The following PLPP4 variants were observed in gnomAD, a reference collection of about 807,000 sequenced individuals.
PLPP4 encodes the protein diacylglycerol pyrophosphate like 2.
PLPP4 carries 20 observed loss-of-function variants against 32.2 expected under a neutral mutation model. The ratio of observed to expected loss-of-function variants is 0.62; its 90% CI spans 0.44 to 0.90. PLPP4 has a LOEUF of 0.90. Among genes scored for constraint, PLPP4 ranks in the 40% least tolerant of loss-of-function variants. The pLI, the probability that PLPP4 is intolerant of heterozygous loss-of-function variation, is 0.00. For synonymous variants in PLPP4, 127 were observed against 133.0 expected, an observed-to-expected ratio of 0.95 and a Z score of 0.31; for missense variants, 257 against 353.1, an observed-to-expected ratio of 0.73 and a Z score of 2.18.
intron 4 of PLPP4, 41 bp from the exon 5 acceptor site, chr10:120,520,930 G>A: frequency 6.2e-7 from 1 of 1,611,376 alleles, no homozygotes; most frequent in Non-Finnish European, 8.5e-7. Flanking sequence ...ATTTGTGATG[G>A]CAGCATTTTA....
chr10:120,472,195 A>G (rs76235871), intron 1 of PLPP4, among the ~76,000 whole-genome samples: 5,922 of 152,158 alleles, frequency 0.039, 137 homozygotes, highest in Middle Eastern at 0.14. Context: ...GTTCGGTTAG[A>G]TTTGGTTTTT....
At chr10:120,507,915 T>C (rs1845571326) in intron 2 of PLPP4, among the ~76,000 whole-genome samples, 3 of 152,166 alleles carry the variant, frequency 2.0e-5, no homozygotes. Flanking sequence ...AGGTGAACAG[T>C]TCAGCATCAC....
At chr10:120,494,197 C>T (rs1281427805) in intron 1 of PLPP4, among the ~76,000 whole-genome samples, 1 of 152,178 alleles carries the variant, frequency 6.6e-6, no homozygotes, top group African/African-American at 2.4e-5. Context: ...TTAGACTTTA[C>T]ACTGCTCAAA....
At chr10:120,548,165 A>G (rs750094620) in intron 5 of PLPP4, among the ~76,000 whole-genome samples, 1 of 152,046 alleles carries the variant, frequency 6.6e-6, no homozygotes, top group Non-Finnish European at 1.5e-5. Context: ...TGTACAAATT[A>G]TTTGGTCACC....
chr10:120,565,275 C>T (rs1848632512), intron 5 of PLPP4, among the ~76,000 whole-genome samples: 1 of 151,360 alleles, frequency 6.6e-6, no homozygotes. Context: ...AACTTTCTGC[C>T]TAAAACATAT....
chr10:120,508,105 T>C (rs897446991), intron 2 of PLPP4, among the ~76,000 whole-genome samples: 3 of 152,228 alleles, frequency 2.0e-5, no homozygotes, highest in African/African-American at 7.2e-5. Flanking sequence ...TACTGATAGA[T>C]ACTGTGTTGA....
chr10:120,495,083 G>A (rs375565542), intron 1 of PLPP4, among the ~76,000 whole-genome samples: 4 of 152,138 alleles, frequency 2.6e-5, no homozygotes, highest in African/African-American at 4.8e-5. Context: ...AGTGCACTCC[G>A]TGCCGTATAG....
intron 1 of PLPP4, among the ~76,000 whole-genome samples, chr10:120,484,982 G>A (rs765016586): frequency 9.9e-5 from 15 of 152,190 alleles, no homozygotes; most frequent in Non-Finnish European, 1.6e-4. Flanking sequence ...GCCATTGCTA[G>A]CTTTGAAGAT....
chr10:120,503,174 C>G (rs1328131425), intron 1 of PLPP4, among the ~76,000 whole-genome samples: 1 of 152,238 alleles, frequency 6.6e-6, no homozygotes, highest in Non-Finnish European at 1.5e-5. Context: ...GGCTCAAAAT[C>G]AAAGTCCTCT....
intron 6 of PLPP4, among the ~76,000 whole-genome samples, chr10:120,582,846 TC>T (rs1825963294): frequency 6.9e-6 from 1 of 145,110 alleles, no homozygotes; most frequent in African/African-American, 2.5e-5. Context: ...TGTCATTGTG[TC>T]TGTGTACCCG....
intron 6 of PLPP4, among the ~76,000 whole-genome samples, chr10:120,580,245 T>C (rs1589926017): frequency 6.6e-6 from 1 of 151,610 alleles, no homozygotes; most frequent in African/African-American, 2.4e-5. Flanking sequence ...AGAGGTCAGG[T>C]AGTAAAATCT....
intron 2 of PLPP4, among the ~76,000 whole-genome samples, chr10:120,512,641 C>T (rs1845774044): frequency 6.6e-6 from 1 of 152,026 alleles, no homozygotes; most frequent in African/African-American, 2.4e-5. Flanking sequence ...GGTGAGACCC[C>T]ATCTCTGCTA....
chr10:120,472,538 A>G (rs370176280), intron 1 of PLPP4, among the ~76,000 whole-genome samples: 1 of 151,984 alleles, frequency 6.6e-6, no homozygotes, highest in African/African-American at 2.4e-5. Flanking sequence ...ACTTTCAGCA[A>G]TTTGATTGTG....
chr10:120,475,437 A>G (rs906882046), intron 1 of PLPP4, among the ~76,000 whole-genome samples: 1 of 152,106 alleles, frequency 6.6e-6, no homozygotes, highest in South Asian at 2.1e-4. Flanking sequence ...TTTCCCATTC[A>G]TTGGGGGTTA....
chr10:120,544,651 G>T (rs1448916196), intron 5 of PLPP4, among the ~76,000 whole-genome samples: 1 of 152,182 alleles, frequency 6.6e-6, no homozygotes, highest in African/African-American at 2.4e-5. Context: ...CAAGCCCCCG[G>T]AAAGCAGGCC....
intron 5 of PLPP4, among the ~76,000 whole-genome samples, chr10:120,530,018 G>A (rs1846626930): frequency 6.6e-6 from 1 of 152,170 alleles, no homozygotes; most frequent in Non-Finnish European, 1.5e-5. Context: ...TCAGGCATAT[G>A]AAAGACAGCA....
chr10:120,560,025 C>A (rs777061267), intron 5 of PLPP4, among the ~76,000 whole-genome samples: 16 of 152,266 alleles, frequency 1.1e-4, no homozygotes, highest in Non-Finnish European at 1.6e-4. Context: ...CACCGTGTGG[C>A]GCTGATCACC....
intron 5 of PLPP4, among the ~76,000 whole-genome samples, chr10:120,524,743 G>T (rs1415432833): frequency 6.6e-6 from 1 of 152,150 alleles, no homozygotes; most frequent in African/African-American, 2.4e-5. Flanking sequence ...GAAAAGCAGA[G>T]ACCACAATTT....
chr10:120,589,360 A>G lies in PLPP4; in HGVS notation c.674A>G (p.His225Arg). ...LIFAYICYRQHYPPLANTACH... is the reference protein window; with the variant it reads ...LIFAYICYRQRYPPLANTACH... The stretch of plus-strand genomic sequence containing the variant: ...TTTGCATACATTTGCTACAGACAGC[A>G]CTATCCTCCTCTGGCCAACACAGCT... Residue 225 changes from histidine to arginine, a missense_variant, in exon 7 of 7, where the codon CAC (histidine) becomes CGC (arginine). By Grantham distance (29) the His-to-Arg change is conservative. Transcript: ENST00000398250. 1 of 1,614,174 alleles carries G rather than the reference A, an allele frequency of 6.2e-7. No homozygotes were observed. The highest frequency in any genetic ancestry group is 8.5e-7 in the Non-Finnish European group (1 of 1,180,034).
Sources: gnomAD v4.1 joint callset for allele counts (sites outside exome capture counted in the v4.1 genomes callset) on GRCh38, gnomAD v4.1.1 for gene constraint, MANE v1.5 for transcripts, NCBI Gene and HGNC (gene_info 2026-07-23, HGNC 2026-07-21) for gene names.